The following MYH15 variants were observed in gnomAD, a reference collection of about 807,000 sequenced individuals.
MYH15 encodes myosin-15.
MYH15 carries 227 observed loss-of-function variants against 240.5 expected under a neutral mutation model. The observed-to-expected ratio is 0.94, with a 90% CI of 0.85 to 1.05. The LOEUF is 1.05. MYH15 is among the 50% of genes least tolerant of loss of function. MYH15 has a pLI of 0.00. For missense variants in MYH15, 2,217 were observed against 2,247.5 expected (o/e 0.99, Z 0.27); for synonymous variants, 785 against 796.7 (o/e 0.99, Z 0.25).
At chr3:108,414,646 A>G (rs1053082302) in intron 29 of MYH15, among the ~76,000 whole-genome samples, 7 of 152,228 alleles carry the variant, frequency 4.6e-5, no homozygotes, top group Non-Finnish European at 1.0e-4. Flanking sequence ...AGGGAATTCT[A>G]TTTAGAGAAA....
At position 108,437,581 on chromosome 3, in the gene MYH15, T is replaced by G. The variant is rs148843085; in HGVS notation, c.3194A>C (p.Gln1065Pro). 5,926 of 1,613,908 alleles carry G rather than the reference T, an allele frequency of 3.7e-3. 24 individuals are homozygous for G. The highest frequency in any genetic ancestry group is 5.4e-3 in the South Asian group (489 of 91,016). ...RESMENLESS[Q>P]RHLAEELRKK... ...CCTCAGCTCTTCTGCCAGGTGTCGC[T>G]GGCTGCTTTCCAGGTTCTCCATACT... is the stretch of plus-strand genomic sequence containing the variant. Residue 1065 changes from glutamine to proline, a missense_variant, in exon 25 of 41, where the codon CAG becomes CCG. Gln to Pro is a moderately conservative substitution (Grantham distance 76). Transcript: ENST00000693548.
chr3:108,430,006 T>C (rs1480627461), intron 26 of MYH15, among the ~76,000 whole-genome samples: 1 of 152,178 alleles, frequency 6.6e-6, no homozygotes, highest in Non-Finnish European at 1.5e-5. Context: ...TTTGGATATA[T>C]AGAAAAGTTT....
intron 36 of MYH15, 140 bp downstream of exon 36, chr3:108,393,891 C>A: frequency 4.1e-6 from 5 of 1,209,270 alleles, no homozygotes; most frequent in Non-Finnish European, 5.8e-6. Flanking sequence ...AACAGGGAGG[C>A]AGAGAGGTCA....
chr3:108,415,713 C>T (rs867473489), intron 29 of MYH15, among the ~76,000 whole-genome samples: 22 of 152,116 alleles, frequency 1.4e-4, no homozygotes, highest in Middle Eastern at 3.4e-3. Context: ...CTTTAAGCAA[C>T]GGGAAGGGCA....
rs1039740313 is a variant in MYH15, at chr3:108,380,887, A to T, written c.*658T>A. 2.0e-5 allele frequency: 3 copies of T among 152,460 alleles called. No individual in the cohort carries two copies. The highest frequency in any genetic ancestry group is 6.5e-5 in the Admixed American group (1 of 15,304). The allele number at this position is 152,460 out of a possible 1,614,324, so 9.4% of individuals were successfully genotyped here. Reference sequence around the variant, plus strand: ...GGGACATGTTCCTCCAGCTGAGCCAAATCGGTACTGCACAAATCCAGCATA... The same window carrying T: ...GGGACATGTTCCTCCAGCTGAGCCATATCGGTACTGCACAAATCCAGCATA... On this transcript the variant is annotated 3_prime_UTR_variant, in exon 41 of 41. Transcript: ENST00000693548.
the MYH15 span, among the ~76,000 whole-genome samples, chr3:108,544,377 G>A: frequency 6.6e-6 from 1 of 152,164 alleles, no homozygotes; most frequent in Admixed American, 6.5e-5. Context: ...AATGACCACA[G>A]AACTAACCTT....
intron 21 of MYH15, among the ~76,000 whole-genome samples, chr3:108,451,107 C>T (rs962535808): frequency 3.9e-5 from 6 of 152,170 alleles, no homozygotes; most frequent in African/African-American, 9.7e-5. Flanking sequence ...AGGCCAGGTA[C>T]AGTGGCTCAT....
chr3:108,524,464 C>A (rs1379588645), intron 1 of MYH15, among the ~76,000 whole-genome samples: 1 of 151,770 alleles, frequency 6.6e-6, no homozygotes, highest in African/African-American at 2.4e-5. Context: ...AATCCTATGT[C>A]TTTTATTATT....
chr3:108,455,752 C>T lies in MYH15; in HGVS notation c.2246G>A (p.Arg749Gln), dbSNP rs750480643. The T allele has an allele frequency of 1.4e-5, 23 of 1,613,640 alleles. No homozygotes were observed. The highest frequency in any genetic ancestry group is 4.0e-5 in the African/African-American group (3 of 74,908). ...GSLEIDHTQYRFGITKVFFKA... is the reference protein window; with the variant it reads ...GSLEIDHTQYQFGITKVFFKA... ...TCTGGTTACCTTAGTGATTCCAAAT[C>T]GGTACTGGGTATGGTCTATCTCCAA... The change falls in exon 20 of 41, where the codon CGA (arginine) becomes CAA (glutamine). Residue 749 changes from arginine (R) to glutamine (Q), a missense_variant. Arg to Gln is a conservative substitution (Grantham distance 43, BLOSUM62 1). Transcript: ENST00000693548.
chr3:108,500,022 C>T, intron 4 of MYH15, 96 bp downstream of exon 4: 8 of 1,357,760 alleles, frequency 5.9e-6, no homozygotes, highest in Non-Finnish European at 7.9e-6. Flanking sequence ...ACTGTAAAGG[C>T]CATGCTCTGC....
At chr3:108,506,495 C>A (rs1211631721) in intron 1 of MYH15, among the ~76,000 whole-genome samples, 1 of 152,162 alleles carries the variant, frequency 6.6e-6, no homozygotes, top group African/African-American at 2.4e-5. Flanking sequence ...AACAAGAGGT[C>A]TGGGGTGAAA....
intron 29 of MYH15, among the ~76,000 whole-genome samples, chr3:108,416,213 C>G (rs1447805234): frequency 6.6e-6 from 1 of 152,176 alleles, no homozygotes; most frequent in African/African-American, 2.4e-5. Flanking sequence ...TGTGTTTTCA[C>G]AGTATACGCC....
At chr3:108,436,392 A>T (rs916702890) in intron 25 of MYH15, among the ~76,000 whole-genome samples, 1 of 152,172 alleles carries the variant, frequency 6.6e-6, no homozygotes. Context: ...AAGCCCAGTA[A>T]CTTGTTAGCA....
At chr3:108,470,312 G>T (rs2083161693) in intron 13 of MYH15, 100 bp from the exon 14 acceptor site, 1 of 828,034 alleles carries the variant, frequency 1.2e-6, no homozygotes, top group Non-Finnish European at 1.8e-6. Context: ...ATTATTATAT[G>T]ATCAGAAATA....
At chr3:108,483,516 G>A (rs2083283413) in intron 11 of MYH15, among the ~76,000 whole-genome samples, 2 of 152,036 alleles carry the variant, frequency 1.3e-5, no homozygotes, top group South Asian at 4.1e-4. Context: ...AAGAGGTATG[G>A]CCACTGTGGA....
chr3:108,401,174 C>T (rs973162616), intron 33 of MYH15, among the ~76,000 whole-genome samples: 6 of 152,068 alleles, frequency 3.9e-5, no homozygotes, highest in African/African-American at 1.4e-4. Context: ...AAAATTTACA[C>T]GTTCTTGCCG....
chr3:108,516,235 GT>G (rs2083571517), intron 1 of MYH15, among the ~76,000 whole-genome samples: 1 of 152,154 alleles, frequency 6.6e-6, no homozygotes, highest in South Asian at 2.1e-4. Flanking sequence ...TATTATGCAT[GT>G]TTACTTTCAA....
At chr3:108,507,334 T>C (rs2083486790) in intron 1 of MYH15, among the ~76,000 whole-genome samples, 2 of 139,706 alleles carry the variant, frequency 1.4e-5, no homozygotes, top group Non-Finnish European at 3.1e-5. Context: ...TCACAGCTAC[T>C]CAGGTACATG....
intron 11 of MYH15, 32 bp from the exon 12 acceptor site, chr3:108,476,547 G>T: frequency 7.1e-7 from 1 of 1,398,898 alleles, no homozygotes; most frequent in Non-Finnish European, 1.0e-6. Flanking sequence ...AAAGGAAGGA[G>T]AGAGGAAAAC....
Sources: gnomAD v4.1 joint callset for allele counts (sites outside exome capture counted in the v4.1 genomes callset) on GRCh38, gnomAD v4.1.1 for gene constraint, MANE v1.5 for transcripts, NCBI Gene and HGNC (gene_info 2026-07-23, HGNC 2026-07-21) for gene names.